Variants in C1orf54 observed in about 807,000 individuals in gnomAD.
C1orf54 encodes chromosome 1 open reading frame 54.
In C1orf54, 12 loss-of-function variants were observed where a neutral mutation model predicts 14.7. The ratio of observed to expected loss-of-function variants is 0.82; its 90% confidence interval spans 0.52 to 1.32. The LOEUF (loss-of-function observed/expected upper bound fraction) is 1.32, where lower values mean the gene tolerates loss of function less well. Ranked by LOEUF, C1orf54 falls within the 40% of genes most tolerant of loss-of-function variation. The pLI is 0.00. For synonymous variants in C1orf54, 65 were observed against 56.3 expected, an observed-to-expected ratio of 1.16 and a Z score of -0.70; for missense variants, 163 against 162.2, an observed-to-expected ratio of 1.00 and a Z score of -0.03.
chr1:150,268,865 G>A (rs1651995276), upstream of C1orf54: 6 of 1,512,450 alleles, frequency 4.0e-6, no homozygotes, highest in Admixed American at 3.9e-5. Flanking sequence ...CAAATGGGAG[G>A]GGCGCGCCAG....
upstream of C1orf54, chr1:150,268,887 G>C: frequency 7.5e-7 from 1 of 1,329,182 alleles, no homozygotes; most frequent in South Asian, 1.3e-5. Context: ...TGGGGAGTCC[G>C]CGTGGGGTGG....
intron 4 of C1orf54, 121 bp from the exon 5 acceptor site, chr1:150,279,522 G>A: frequency 1.1e-6 from 1 of 931,972 alleles, no homozygotes; most frequent in African/African-American, 1.7e-5. Flanking sequence ...CTTTCTCTAA[G>A]CCCAAAGGAA....
At chr1:150,277,940 A>T (rs1334437968) in intron 4 of C1orf54, among the ~76,000 whole-genome samples, 1 of 152,126 alleles carries the variant, frequency 6.6e-6, no homozygotes, top group Non-Finnish European at 1.5e-5. Flanking sequence ...TATAGTAAAA[A>T]TACAGAATTA....
intron 4 of C1orf54, among the ~76,000 whole-genome samples, chr1:150,277,090 A>C (rs1652720147): frequency 6.6e-6 from 1 of 152,350 alleles, no homozygotes; most frequent in South Asian, 2.1e-4. Flanking sequence ...GAGTTGTCTG[A>C]AAAGCTTTCA....
chr1:150,273,460 G>C (rs1243390929), intron 1 of C1orf54, among the ~76,000 whole-genome samples: 1 of 152,196 alleles, frequency 6.6e-6, no homozygotes, highest in Admixed American at 6.5e-5. Context: ...GCTCAGGGAA[G>C]TGTTTAGCAG....
At chr1:150,278,665 A>G (rs1313098266) in intron 4 of C1orf54, among the ~76,000 whole-genome samples, 3 of 152,220 alleles carry the variant, frequency 2.0e-5, no homozygotes, top group African/African-American at 7.2e-5. Flanking sequence ...TAGAAGAGAA[A>G]GTTTAATATA....
At chr1:150,271,950 G>A (rs188689556), upstream of C1orf54, among the ~76,000 whole-genome samples, 1 of 152,260 alleles carries the variant, frequency 6.6e-6, no homozygotes, top group Admixed American at 6.5e-5. Context: ...ACCAGCCTGG[G>A]CCAACATGGT....
upstream of C1orf54, chr1:150,268,952 G>A (rs1265980941): frequency 1.5e-6 from 1 of 654,912 alleles, no homozygotes; most frequent in Non-Finnish European, 2.6e-6. Context: ...CCCGGGGAAG[G>A]GGAAGGGGGG....
In C1orf54 at chr1:150,279,732, C is replaced by T. The variant is rs1652948816; in HGVS notation, c.390C>T (p.Phe130=). 1.9e-6 allele frequency: 3 copies of T among 1,610,802 alleles called. No homozygotes were observed. In the African/African-American group the frequency reaches 4.0e-5, roughly 22 times the overall value. Residue 130 remains phenylalanine (F), a synonymous_variant, in exon 5 of 6, where the codon TTC becomes TTT. Coordinates refer to ENST00000369099, the MANE Select transcript of C1orf54 (RefSeq NM_024579.4). ...SCAFVQVGMY[F]M ...CCTTTGTTCAGGTGGGGATGTATTT[C>T]ATGTAGAAGGTAAGAGTGCAGCCAC... is the stretch of plus-strand genomic sequence containing the variant.
upstream of C1orf54, chr1:150,268,909 C>A: frequency 9.6e-7 from 1 of 1,039,560 alleles, no homozygotes; most frequent in East Asian, 2.6e-5. Context: ...AACGCGACCC[C>A]ACGAGGGGCG....
chr1:150,276,486 G>T, intron 3 of C1orf54, 36 bp from the exon 4 acceptor site: 1 of 1,538,282 alleles, frequency 6.5e-7, no homozygotes, highest in Non-Finnish European at 9.0e-7. Context: ...TGGAAAAACT[G>T]ATAACTCTGT....
chr1:150,269,018 G>A (rs1255605338), upstream of C1orf54: 18 of 520,836 alleles, frequency 3.5e-5, no homozygotes, highest in African/African-American at 1.7e-4. Flanking sequence ...GCCGAAGAGG[G>A]GACAAATCCC....
Position 150,279,829 on chromosome 1 carries a change from T to A in C1orf54, c.*3+88T>A. The A allele has an allele frequency of 2.7e-6, 3 of 1,124,418 alleles. No homozygotes were observed. The South Asian group carries it at 4.4e-5, about 16-fold the overall frequency. 69.7% of individuals were successfully genotyped at this position (1,124,418 alleles called of 1,614,324 possible). A position where few individuals can be genotyped will look rare whatever the true frequency, so the allele number is the denominator to read the frequency against. On this transcript the variant is annotated intron_variant, in intron 5 of 5. Transcript: ENST00000369099. The stretch of plus-strand genomic sequence containing the variant: ...TAAACCGAAGTAATTCTTACCAGTA[T>A]CTCTAGTTAGTGTTTCCAGCCTGGT...
chr1:150,272,894 G>T, intron 1 of C1orf54, 31 bp downstream of exon 1: 1 of 1,613,112 alleles, frequency 6.2e-7, no homozygotes, highest in Non-Finnish European at 8.5e-7. Flanking sequence ...GAGCTTTTGT[G>T]CCAGGTCTTC....
At chr1:150,269,073 A>G, upstream of C1orf54, 1 of 423,004 alleles carries the variant, frequency 2.4e-6, no homozygotes, top group South Asian at 2.3e-5. Context: ...CCACCCCCGG[A>G]AGGCCAATGG....
At chr1:150,271,940 A>G (rs1553851337), upstream of C1orf54, among the ~76,000 whole-genome samples, 1 of 152,144 alleles carries the variant, frequency 6.6e-6, no homozygotes, top group Admixed American at 6.6e-5. Context: ...GGAGTTCGAG[A>G]CCAGCCTGGG....
chr1:150,272,918 G>A, intron 1 of C1orf54, 55 bp downstream of exon 1: 3 of 1,589,496 alleles, frequency 1.9e-6, no homozygotes, highest in Admixed American at 3.4e-5. Context: ...CATAAATGGG[G>A]TGGGAGAAAA....
At chr1:150,275,196 G>A (rs1553852181) in intron 2 of C1orf54, among the ~76,000 whole-genome samples, 1 of 151,766 alleles carries the variant, frequency 6.6e-6, no homozygotes, top group Non-Finnish European at 1.5e-5. Context: ...GTGCTACCAT[G>A]CCCGGCTAAT....
chr1:150,274,827 C>T (rs1426442092), intron 2 of C1orf54, among the ~76,000 whole-genome samples: 80 of 144,206 alleles, frequency 5.5e-4, no homozygotes, highest in African/African-American at 1.9e-3. Context: ...GCAGGAGAAT[C>T]GCTTGAACCT....
Sources: gnomAD v4.1 joint callset for allele counts (sites outside exome capture counted in the v4.1 genomes callset) on GRCh38, gnomAD v4.1.1 for gene constraint, MANE v1.5 for transcripts, NCBI Gene and HGNC (gene_info 2026-07-23, HGNC 2026-07-21) for gene names.